The following IP6K1 variants were observed in gnomAD, a reference collection of about 807,000 sequenced individuals.
IP6K1 encodes ATP:1D-myo-inositol-hexakisphosphate phosphotransferase.
A neutral mutation model predicts 38.3 loss-of-function variants in IP6K1; 13 were observed. That is an observed-to-expected ratio of 0.34 (90% confidence interval 0.22 to 0.54). The LOEUF (loss-of-function observed/expected upper bound fraction) is 0.54, where lower values mean the gene tolerates loss of function less well. Among genes scored for constraint, IP6K1 ranks in the 20% least tolerant of loss-of-function variants. The pLI is 0.92. For missense variants in IP6K1, 397 were observed against 599.8 expected (o/e 0.66, Z 3.53); for synonymous variants, 212 against 229.9 (o/e 0.92, Z 0.70).
Position 49,727,221 on chromosome 3 carries a change from C to T in IP6K1, c.1227G>A (p.Arg409=). 6.2e-7 allele frequency: 1 copy of T among 1,614,104 alleles called. No individual in the cohort carries two copies. The highest frequency in any genetic ancestry group is 8.5e-7 in the Non-Finnish European group (1 of 1,180,036). Residue 409 remains arginine (R), a synonymous_variant, in exon 6 of 6, where the codon CGG becomes CGA. Coordinates refer to ENST00000321599, the MANE Select transcript of IP6K1 (RefSeq NM_153273.4). The surrounding 1 kb of genome is among the most constrained non-coding windows in gnomAD (Gnocchi z 5.9). ...GCCCATCATGCACGGTGGGGTCATCCCGGAAGCCCTTGAATGTGCTGTGTG... is the reference window on the plus strand; with the variant it reads ...GCCCATCATGCACGGTGGGGTCATCTCGGAAGCCCTTGAATGTGCTGTGTG... The part of the protein sequence containing the change: ...DFAHSTFKGF[R]DDPTVHDGPD...
intron 3 of IP6K1, among the ~76,000 whole-genome samples, 193 bp downstream of exon 3, chr3:49,738,019 C>T (rs144987440): frequency 2.2e-4 from 34 of 152,330 alleles, no homozygotes; most frequent in African/African-American, 7.7e-4. Flanking sequence ...TCTCAACCAG[C>T]TACAGCTATA....
chr3:49,778,037 G>A (rs1399254713), intron 1 of IP6K1, among the ~76,000 whole-genome samples: 2 of 151,690 alleles, frequency 1.3e-5, no homozygotes, highest in South Asian at 2.1e-4. Flanking sequence ...TTAAGACGGG[G>A]TCTCTCAGCT....
rs115984582 is a variant in IP6K1 at position 49,762,607 on chromosome 3, C to G, written c.-128-14439G>C. 9.1e-3 allele frequency among the ~76,000 whole-genome samples: 1,382 copies of G among 152,064 alleles called. 19 individuals carry two copies. Among genetic ancestry groups the G allele is most frequent in the African/African-American group, 0.032 (1,326 of 41,504 alleles). ...AACACTCCTATATCTATTAAGAAAA[C>G]TGAGTCTGCGATCAAAAATCTTTCC... On this transcript the variant is annotated intron_variant, in intron 1 of 5. Transcript: ENST00000321599.
chr3:49,763,406 A>G (rs1294443282), intron 1 of IP6K1, among the ~76,000 whole-genome samples: 1 of 151,990 alleles, frequency 6.6e-6, no homozygotes, highest in Non-Finnish European at 1.5e-5. Context: ...CGCCCGGCCA[A>G]GGTCAATTAT....
chr3:49,772,456 G>A (rs951781781), intron 1 of IP6K1, among the ~76,000 whole-genome samples: 1 of 151,836 alleles, frequency 6.6e-6, no homozygotes, highest in African/African-American at 2.4e-5. Context: ...AGGCTAAAGT[G>A]CAGTGGCACG....
chr3:49,749,898 T>C (rs1291311021), intron 1 of IP6K1, among the ~76,000 whole-genome samples: 2 of 144,580 alleles, frequency 1.4e-5, no homozygotes, highest in Non-Finnish European at 3.0e-5. Flanking sequence ...GACAAGGCAA[T>C]ACTGCCTTCA....
intron 1 of IP6K1, among the ~76,000 whole-genome samples, chr3:49,770,731 TCAGA>T (rs1326704118): frequency 3.3e-5 from 5 of 152,200 alleles, no homozygotes; most frequent in Admixed American, 2.0e-4. Context: ...CAAGGTGTCC[TCAGA>T]CACTCAGACA....
chr3:49,740,102 G>A (rs562573510), intron 2 of IP6K1, among the ~76,000 whole-genome samples: 22 of 152,068 alleles, frequency 1.4e-4, no homozygotes, highest in African/African-American at 4.6e-4. Flanking sequence ...AGGACTGCTT[G>A]AACACAGGAG....
At chr3:49,784,674 C>T (rs912867067) in intron 1 of IP6K1, among the ~76,000 whole-genome samples, 3 of 150,414 alleles carry the variant, frequency 2.0e-5, no homozygotes, top group South Asian at 4.2e-4. Context: ...AGGCTTGGCG[C>T]GGTGGCTCAT....
chr3:49,785,028 C>T (rs1034725290), intron 1 of IP6K1, among the ~76,000 whole-genome samples: 5 of 152,150 alleles, frequency 3.3e-5, no homozygotes, highest in African/African-American at 1.2e-4. Flanking sequence ...CAGGCATATT[C>T]TATGACCACA....
rs1027348201 is a variant in IP6K1, at chr3:49,743,105, G to C, written c.224-4683C>G. On this transcript the variant is annotated intron_variant, in intron 2 of 5. Coordinates refer to ENST00000321599, the MANE Select transcript of IP6K1 (RefSeq NM_153273.4). ...TAGCCAGGAATGGTGGCAGGCACCTGTAAGTCCCAGCTACTCAGGAGGCTG... is the reference window on the plus strand; with the variant it reads ...TAGCCAGGAATGGTGGCAGGCACCTCTAAGTCCCAGCTACTCAGGAGGCTG... Among the ~76,000 whole-genome samples the C allele has an allele frequency of 2.6e-5, 4 of 151,920 alleles. No individual in the cohort carries two copies. In the East Asian group the frequency reaches 7.8e-4, roughly 29 times the overall value.
chr3:49,757,641 G>A (rs1400645906), intron 1 of IP6K1, among the ~76,000 whole-genome samples: 1 of 152,054 alleles, frequency 6.6e-6, no homozygotes, highest in Non-Finnish European at 1.5e-5. Flanking sequence ...GATTGCTTGA[G>A]CCTGGAAGGC....
At chr3:49,785,279 G>A (rs1405063374) in intron 1 of IP6K1, among the ~76,000 whole-genome samples, 1 of 151,904 alleles carries the variant, frequency 6.6e-6, no homozygotes, top group Non-Finnish European at 1.5e-5. Flanking sequence ...AGGCCAAGGG[G>A]GGTGGATCAC....
At chr3:49,732,657 G>T in intron 4 of IP6K1, 134 bp downstream of exon 4, 1 of 633,720 alleles carries the variant, frequency 1.6e-6, no homozygotes, top group Non-Finnish European at 2.7e-6. Context: ...AACGAAGGAA[G>T]AGGAGTCCAT....
In IP6K1 at chr3:49,727,338, TGAC is replaced by T; in HGVS notation, c.1107_1109del (p.Ser371del). ...TGGGGCTGGTGCTGGGGCCACAGGA[TGAC>T]GCCACCTCAGGGAGCACCATGTCCA... On this transcript the variant is annotated inframe_deletion, in exon 6 of 6. Transcript: ENST00000321599. The surrounding 1 kb of genome is among the most constrained non-coding windows in gnomAD (Gnocchi z 5.9). 2 of 1,614,084 alleles carry T rather than the reference TGAC, an allele frequency of 1.2e-6. No individual in the cohort carries two copies. The highest frequency in any genetic ancestry group is 1.7e-6 in the Non-Finnish European group (2 of 1,180,008).
At chr3:49,759,482 C>T (rs1282703214) in intron 1 of IP6K1, among the ~76,000 whole-genome samples, 2 of 152,138 alleles carry the variant, frequency 1.3e-5, no homozygotes, top group Non-Finnish European at 2.9e-5. Context: ...TCCTATTGGA[C>T]CTCCATCTCA....
chr3:49,781,485 A>G (rs1198920092), intron 1 of IP6K1, among the ~76,000 whole-genome samples: 1 of 152,214 alleles, frequency 6.6e-6, no homozygotes, highest in East Asian at 1.9e-4. Context: ...GACGTTTTAT[A>G]AAGAAGGTAG....
At chr3:49,730,193 G>A (rs535011915) in intron 4 of IP6K1, among the ~76,000 whole-genome samples, 5 of 151,940 alleles carry the variant, frequency 3.3e-5, no homozygotes, top group East Asian at 1.9e-4. Context: ...GCGCCCAGCC[G>A]CCTACCTAAT....
intron 2 of IP6K1, among the ~76,000 whole-genome samples, chr3:49,743,571 C>T (rs971037521): frequency 2.0e-5 from 3 of 146,580 alleles, no homozygotes; most frequent in South Asian, 2.2e-4. Context: ...CCCAGCTACT[C>T]GGGGGGCTGA....
Sources: gnomAD v4.1 joint callset for allele counts (sites outside exome capture counted in the v4.1 genomes callset) on GRCh38, gnomAD v4.1.1 for gene constraint, Gnocchi (gnomAD v3.1) non-coding constraint, MANE v1.5 for transcripts, NCBI Gene and HGNC (gene_info 2026-07-23, HGNC 2026-07-21) for gene names.